Variants in TNFRSF13C observed in about 807,000 individuals in gnomAD.
TNFRSF13C encodes the protein TNF receptor superfamily member 13C.
Under a neutral mutation model 12.1 loss-of-function variants are expected in TNFRSF13C, and 7 were observed. The ratio of observed to expected loss-of-function variants is 0.58; its 90% CI spans 0.33 to 1.08. The LOEUF is 1.08. Among genes scored for constraint, TNFRSF13C ranks in the 50% least tolerant of loss-of-function variants. The pLI is 0.04. For synonymous variants in TNFRSF13C, 157 were observed against 130.8 expected, an observed-to-expected ratio of 1.20 and a Z score of -1.37; for missense variants, 260 against 265.9, an observed-to-expected ratio of 0.98 and a Z score of 0.15.
In TNFRSF13C at chr22:41,924,423, G is replaced by A. The variant is rs1234772153; in HGVS notation, c.*944C>T. On this transcript the variant is annotated 3_prime_UTR_variant, in exon 3 of 3. Coordinates refer to ENST00000291232, the MANE Select transcript of TNFRSF13C (RefSeq NM_052945.4). ...GAATGGTGTGAACCCAGGAGGCGGA[G>A]CTTGAAGTGAGCCGAAATTGCGTCA... The A allele has an allele frequency of 6.7e-6, 1 of 149,720 alleles. No individual in the cohort carries two copies. Among genetic ancestry groups the A allele is most frequent in the Non-Finnish European group, 1.5e-5 (1 of 67,810 alleles). The allele number at this position is 149,720 out of a possible 1,614,324, so 9.3% of individuals were successfully genotyped here.
At position 41,926,016 on chromosome 22, in the gene TNFRSF13C, G is replaced by A. The variant is rs2146589001; in HGVS notation, c.367+85C>T. The A allele has an allele frequency of 6.4e-7, 1 of 1,553,978 alleles. No homozygotes were observed. Among genetic ancestry groups the A allele is most frequent in the South Asian group, 1.1e-5 (1 of 88,134 alleles). On this transcript the variant is annotated intron_variant, in intron 2 of 2. Coordinates refer to ENST00000291232, the MANE Select transcript of TNFRSF13C (RefSeq NM_052945.4). This position sits in a 1 kb window ranked among gnomAD's most constrained non-coding sequence, Gnocchi z 4.9. ...CCTTAAAGCCCTTCTCTCCCCCTCA[G>A]GGGCCATGCATCTCCCCCTAGACCG...
In TNFRSF13C at chr22:41,926,776, T is replaced by A; in HGVS notation, c.-3A>T. 7.6e-7 allele frequency: 1 copy of A among 1,320,214 alleles called. No individual in the cohort carries two copies. Among genetic ancestry groups the A allele is most frequent in the Non-Finnish European group, 9.6e-7 (1 of 1,037,858 alleles). 81.8% of individuals were successfully genotyped at this position (1,320,214 alleles called of 1,614,324 possible). On this transcript the variant is annotated 5_prime_UTR_variant, in exon 1 of 3. Transcript: ENST00000291232. This position sits in a 1 kb window ranked among gnomAD's most constrained non-coding sequence, Gnocchi z 4.9. The stretch of plus-strand genomic sequence containing the variant: ...AGGCTCCGGGGCCCTCGCCTCATGG[T>A]GCCGACGCCGCCGCACAAGCTGCGG...
rs1296046542 is a variant in TNFRSF13C at position 41,926,425 on chromosome 22, G to A, written c.137-94C>T. ...GCGGAGGGGGGCGAGGCTGGCCGGG[G>A]AGGGGAGGGACAGCCGGGGGGCGGT... On this transcript the variant is annotated intron_variant, in intron 1 of 2. Transcript: ENST00000291232. The surrounding 1 kb of genome is among the most constrained non-coding windows in gnomAD (Gnocchi z 4.9). 11 of 1,062,112 alleles carry A rather than the reference G, an allele frequency of 1.0e-5. No individual in the cohort carries two copies. The highest frequency in any genetic ancestry group is 1.1e-5 in the Non-Finnish European group (9 of 803,636). The allele number at this position is 1,062,112 out of a possible 1,614,324, so 65.8% of individuals were successfully genotyped here.
In TNFRSF13C at chr22:41,925,212, G is replaced by A. The variant is rs1352819475; in HGVS notation, c.*155C>T. On this transcript the variant is annotated 3_prime_UTR_variant, in exon 3 of 3. Coordinates refer to ENST00000291232, the MANE Select transcript of TNFRSF13C (RefSeq NM_052945.4). ...AAGCACACCAAACTCCATGGGGGCT[G>A]AATGCTGTGGTCTGTAGTGTCTGTG... 2.4e-6 allele frequency: 2 copies of A among 825,920 alleles called. No individual in the cohort carries two copies. Among genetic ancestry groups the A allele is most frequent in the Non-Finnish European group, 3.7e-6 (2 of 544,354 alleles). 51.2% of individuals were successfully genotyped at this position (825,920 alleles called of 1,614,324 possible).
chr22:41,926,061 G>C lies in TNFRSF13C; in HGVS notation c.367+40C>G. 6.2e-7 allele frequency: 1 copy of C among 1,610,786 alleles called. No homozygotes were observed. The highest frequency in any genetic ancestry group is 8.5e-7 in the Non-Finnish European group (1 of 1,178,972). ...AGACCGTCCCGACACCCCAGCCCCTGCGCCCCGCTCAGACTGGTTCCCCTA... is the reference window on the plus strand; with the variant it reads ...AGACCGTCCCGACACCCCAGCCCCTCCGCCCCGCTCAGACTGGTTCCCCTA... On this transcript the variant is annotated intron_variant, in intron 2 of 2. Transcript: ENST00000291232. The surrounding 1 kb of genome is among the most constrained non-coding windows in gnomAD (Gnocchi z 4.9).
chr22:41,925,653 C>G, intron 2 of TNFRSF13C, 99 bp from the exon 3 acceptor site: 1 of 1,469,566 alleles, frequency 6.8e-7, no homozygotes, highest in Non-Finnish European at 9.3e-7. Context: ...CAAATGAAGC[C>G]CAATGCAGGG....
rs777204893 is a variant in TNFRSF13C at position 41,926,673 on chromosome 22, G to T, written c.101C>A (p.Ala34Asp). 3.4e-6 allele frequency: 5 copies of T among 1,463,730 alleles called. No homozygotes were observed. Among genetic ancestry groups the T allele is most frequent in the African/African-American group, 1.5e-5 (1 of 68,044 alleles). 90.7% of individuals were successfully genotyped at this position (1,463,730 alleles called of 1,614,324 possible). The change falls in exon 1 of 3, where the codon GCC (alanine) becomes GAC (aspartate). Residue 34 changes from alanine to aspartate, a missense_variant. Physicochemically the swap from Ala to Asp is moderately radical, Grantham distance 126. Transcript: ENST00000291232. The surrounding 1 kb of genome is among the most constrained non-coding windows in gnomAD (Gnocchi z 4.9). ...CFDLLVRHCV[A>D]CGLLRTPRPK... ...CCGCGGCGTGCGCAGGAGCCCGCAG[G>T]CCACGCAGTGGCGGACCAGCAGGTC...
At position 41,926,536 on chromosome 22, in the gene TNFRSF13C, C is replaced by T; in HGVS notation, c.136+102G>A. 1.5e-6 allele frequency: 2 copies of T among 1,299,044 alleles called. No individual in the cohort carries two copies. Among genetic ancestry groups the T allele is most frequent in the Non-Finnish European group, 2.0e-6 (2 of 1,020,246 alleles). 80.5% of individuals were successfully genotyped at this position (1,299,044 alleles called of 1,614,324 possible). On this transcript the variant is annotated intron_variant, in intron 1 of 2. Transcript: ENST00000291232. The surrounding 1 kb of genome is among the most constrained non-coding windows in gnomAD (Gnocchi z 4.9). ...GCCCTGCCCACAGGGTCCTTTCAGC[C>T]CTCGGCGCCCCCGGGGGTCGGGGCT... is the stretch of plus-strand genomic sequence containing the variant.
Position 41,926,715 on chromosome 22 carries a change from A to G in TNFRSF13C, c.59T>C (p.Val20Ala). The change falls in exon 1 of 3, where the codon GTC (valine) becomes GCC (alanine). Residue 20 changes from valine to alanine, a missense_variant. Transcript: ENST00000291232. The surrounding 1 kb of genome is among the most constrained non-coding windows in gnomAD (Gnocchi z 4.9). ...GRDAPAPTPC[V>A]PAECFDLLVR... ...CAGCAGGTCGAAGCACTCGGCCGGG[A>G]CGCAGGGCGTGGGGGCTGGCGCGTC... is the stretch of plus-strand genomic sequence containing the variant. 1 of 1,448,654 alleles carries G rather than the reference A, an allele frequency of 6.9e-7. No individual in the cohort carries two copies. The allele number at this position is 1,448,654 out of a possible 1,614,324, so 89.7% of individuals were successfully genotyped here.
rs2077633040 is a variant in TNFRSF13C at position 41,926,519 on chromosome 22, C to T, written c.136+119G>A. On this transcript the variant is annotated intron_variant, in intron 1 of 2. Coordinates refer to ENST00000291232, the MANE Select transcript of TNFRSF13C (RefSeq NM_052945.4). This position sits in a 1 kb window ranked among gnomAD's most constrained non-coding sequence, Gnocchi z 4.9. ...ATCGCGGGCCCCTCCAGGCCCTGCC[C>T]ACAGGGTCCTTTCAGCCCTCGGCGC... The T allele has an allele frequency of 8.0e-7, 1 of 1,257,690 alleles. No homozygotes were observed. Among genetic ancestry groups the T allele is most frequent in the Non-Finnish European group, 1.0e-6 (1 of 982,748 alleles). 77.9% of individuals were successfully genotyped at this position (1,257,690 alleles called of 1,614,324 possible).
chr22:41,925,492 C>G lies in TNFRSF13C; in HGVS notation c.430G>C (p.Ala144Pro), dbSNP rs775785837. Reference sequence around the variant, plus strand: ...GGGTCTTCCCCAGGAGGAGGCCAGGCAGGAGCTGTGGCATCAGAGATTCCC... The same window carrying G: ...GGGTCTTCCCCAGGAGGAGGCCAGGGAGGAGCTGTGGCATCAGAGATTCCC... ...SPGISDATAP[A>P]WPPPGEDPGT... is the part of the protein sequence containing the mutation. Residue 144 changes from alanine (A) to proline (P), a missense_variant, in exon 3 of 3, where the codon GCC (alanine) becomes CCC (proline). Physicochemically the swap from Ala to Pro is conservative, Grantham distance 27. Transcript: ENST00000291232. 30 of 1,613,358 alleles carry G rather than the reference C, an allele frequency of 1.9e-5. No individual in the cohort carries two copies. Among genetic ancestry groups the G allele is most frequent in the Non-Finnish European group, 2.5e-5 (29 of 1,180,010 alleles).
intron 2 of TNFRSF13C, among the ~76,000 whole-genome samples, 157 bp downstream of exon 2, chr22:41,925,944 G>A (rs2077626852): frequency 6.6e-6 from 1 of 152,200 alleles, no homozygotes; most frequent in South Asian, 2.1e-4. Flanking sequence ...TCCCTCCCCA[G>A]CCTGAGCTCC....
Position 41,926,520 on chromosome 22 carries a change from A to G in TNFRSF13C, c.136+118T>C. 7.9e-7 allele frequency: 1 copy of G among 1,259,048 alleles called. No homozygotes were observed. The highest frequency in any genetic ancestry group is 1.0e-6 in the Non-Finnish European group (1 of 984,000). 78.0% of individuals were successfully genotyped at this position (1,259,048 alleles called of 1,614,324 possible). Reference sequence around the variant, plus strand: ...TCGCGGGCCCCTCCAGGCCCTGCCCACAGGGTCCTTTCAGCCCTCGGCGCC... The same window carrying G: ...TCGCGGGCCCCTCCAGGCCCTGCCCGCAGGGTCCTTTCAGCCCTCGGCGCC... On this transcript the variant is annotated intron_variant, in intron 1 of 2. Transcript: ENST00000291232. This position sits in a 1 kb window ranked among gnomAD's most constrained non-coding sequence, Gnocchi z 4.9.
chr22:41,922,093 T>C lies in TNFRSF13C; in HGVS notation c.*3274A>G, dbSNP rs2077609448. 6.6e-6 allele frequency: 1 copy of C among 152,142 alleles called. No homozygotes were observed. The highest frequency in any genetic ancestry group is 2.4e-5 in the African/African-American group (1 of 41,424). The allele number at this position is 152,142 out of a possible 1,614,324, so 9.4% of individuals were successfully genotyped here. ...GAGAGAGAAACTTACCAAATATTAA[T>C]ATGATGGTCAAGACATGAATTTGTA... On this transcript the variant is annotated 3_prime_UTR_variant, in exon 3 of 3. Coordinates refer to ENST00000291232, the MANE Select transcript of TNFRSF13C (RefSeq NM_052945.4).
intron 2 of TNFRSF13C, 116 bp downstream of exon 2, chr22:41,925,985 G>T: frequency 7.2e-7 from 1 of 1,392,858 alleles, no homozygotes; most frequent in Non-Finnish European, 9.9e-7. Flanking sequence ...CTCTGTCTCC[G>T]TTTCCCCTTA....
At position 41,922,519 on chromosome 22, in the gene TNFRSF13C, GC is replaced by G. The variant is rs1180088500; in HGVS notation, c.*2847del. ...CTCAGGGGAAACTTCCTACCGGCTGGCGGGGCCAGCTGGGACAGAGAGATGC... is the reference window on the plus strand; with the variant it reads ...CTCAGGGGAAACTTCCTACCGGCTGGGGGGCCAGCTGGGACAGAGAGATGC... On this transcript the variant is annotated 3_prime_UTR_variant, in exon 3 of 3. Transcript: ENST00000291232. 6.6e-6 allele frequency: 1 copy of G among 152,146 alleles called. No homozygotes were observed. The highest frequency in any genetic ancestry group is 1.5e-5 in the Non-Finnish European group (1 of 68,028). 9.4% of individuals were successfully genotyped at this position (152,146 alleles called of 1,614,324 possible). A position where few individuals can be genotyped will look rare whatever the true frequency, so the allele number is the denominator to read the frequency against.
Position 41,926,508 on chromosome 22 carries a change from C to CA in TNFRSF13C, c.136+129dup. The CA allele has an allele frequency of 8.2e-7, 1 of 1,224,954 alleles. No individual in the cohort carries two copies. The highest frequency in any genetic ancestry group is 1.1e-6 in the Non-Finnish European group (1 of 952,120). 75.9% of individuals were successfully genotyped at this position (1,224,954 alleles called of 1,614,324 possible). On this transcript the variant is annotated intron_variant, in intron 1 of 2. Transcript: ENST00000291232. The surrounding 1 kb of genome is among the most constrained non-coding windows in gnomAD (Gnocchi z 4.9). ...GCCACGCGGTGATCGCGGGCCCCTC[C>CA]AGGCCCTGCCCACAGGGTCCTTTCA... is the stretch of plus-strand genomic sequence containing the variant.
At chr22:41,925,971 T>C in intron 2 of TNFRSF13C, 130 bp downstream of exon 2, 1 of 1,314,072 alleles carries the variant, frequency 7.6e-7, no homozygotes, top group Non-Finnish European at 1.1e-6. Flanking sequence ...CAAACTCTTT[T>C]CCACTCTGTC....
rs750766446 is a variant in TNFRSF13C at position 41,926,331 on chromosome 22, G to C, written c.137C>G (p.Ala46Gly). Reference sequence around the variant, plus strand: ...CCTGGGCGCAGGGCTGCTGGCCCCGGCTGCTTCGGGAGGGGACAGGGAGGG... The same window carrying C: ...CCTGGGCGCAGGGCTGCTGGCCCCGCCTGCTTCGGGAGGGGACAGGGAGGG... Reference protein sequence around the residue: ...GLLRTPRPKPAGASSPAPRTA... With the variant: ...GLLRTPRPKPGGASSPAPRTA... The change falls in exon 2 of 3, where the codon GCC becomes GGC. Residue 46 changes from alanine (A) to glycine (G), a missense_variant and splice_region_variant. By Grantham distance (60) the Ala-to-Gly change is moderately conservative. Coordinates refer to ENST00000291232, the MANE Select transcript of TNFRSF13C (RefSeq NM_052945.4). This position sits in a 1 kb window ranked among gnomAD's most constrained non-coding sequence, Gnocchi z 4.9. The C allele has an allele frequency of 1.6e-5, 23 of 1,414,104 alleles. No individual in the cohort carries two copies. In the South Asian group the frequency reaches 3.3e-4, roughly 20 times the overall value. 87.6% of individuals were successfully genotyped at this position (1,414,104 alleles called of 1,614,324 possible).
Sources: allele counts gnomAD v4.1 joint callset (sites outside exome capture counted in the v4.1 genomes callset), GRCh38; gene constraint gnomAD v4.1.1; non-coding constraint Gnocchi (gnomAD v3.1); transcripts MANE v1.5; gene names NCBI Gene and HGNC (gene_info 2026-07-23, HGNC 2026-07-21).